Variants in ALDH9A1 observed in about 807,000 individuals in gnomAD.
ALDH9A1 encodes aldehyde dehydrogenase 9 family member A1.
Under a neutral mutation model 56.6 loss-of-function variants are expected in ALDH9A1, and 42 were observed. That is an observed-to-expected ratio of 0.74 (90% CI 0.58 to 0.96). ALDH9A1 has a LOEUF of 0.96. ALDH9A1 is among the 40% of genes least tolerant of loss of function. The pLI is 0.00. For synonymous variants in ALDH9A1, 242 were observed against 236.0 expected (o/e 1.03, Z -0.23); for missense variants, 661 against 651.5 (o/e 1.01, Z -0.16).
chr1:165,669,016 G>T lies in ALDH9A1; in HGVS notation c.1120-3C>A. 5.7e-6 allele frequency: 9 copies of T among 1,583,202 alleles called. No homozygotes were observed. The highest frequency in any genetic ancestry group is 6.8e-6 in the Non-Finnish European group (8 of 1,168,268). On this transcript the variant is annotated splice_polypyrimidine_tract_variant and splice_region_variant and intron_variant, in intron 7 of 10. Coordinates refer to ENST00000354775, the MANE Select transcript of ALDH9A1 (RefSeq NM_000696.4). ...CCACCACATAACACTTTAGCACCCT[G>T]CCGAAAAGGAAAAAAGATATGTTGT...
intron 2 of ALDH9A1, among the ~76,000 whole-genome samples, chr1:165,683,329 C>A (rs1489680503): frequency 1.3e-5 from 2 of 151,912 alleles, no homozygotes; most frequent in African/African-American, 4.8e-5. Context: ...AGATTTAAGA[C>A]CACTACTTTA....
intron 2 of ALDH9A1, among the ~76,000 whole-genome samples, chr1:165,689,658 A>G (rs1649823045): frequency 6.6e-6 from 1 of 152,150 alleles, no homozygotes; most frequent in Non-Finnish European, 1.5e-5. Flanking sequence ...ACTAGGCCGG[A>G]TGCAGTGGCT....
chr1:165,669,098 C>A, intron 7 of ALDH9A1, 85 bp from the exon 8 acceptor site: 4 of 1,374,318 alleles, frequency 2.9e-6, no homozygotes, highest in African/African-American at 1.4e-5. Flanking sequence ...CCCGAACAAA[C>A]ACATAGTCTT....
At chr1:165,673,273 T>A (rs544483833) in intron 6 of ALDH9A1, among the ~76,000 whole-genome samples, 236 of 152,306 alleles carry the variant, frequency 1.5e-3, no homozygotes, top group African/African-American at 5.5e-3. Flanking sequence ...TCTGTTAGCA[T>A]GGTTATTATC....
intron 2 of ALDH9A1, among the ~76,000 whole-genome samples, chr1:165,684,226 T>C (rs1245198868): frequency 6.6e-6 from 1 of 152,238 alleles, no homozygotes; most frequent in Non-Finnish European, 1.5e-5. Flanking sequence ...CATTCATTAC[T>C]AGGGAAAAGA....
chr1:165,669,050 T>C, intron 7 of ALDH9A1, 37 bp from the exon 8 acceptor site: 1 of 1,528,180 alleles, frequency 6.5e-7, no homozygotes, highest in African/African-American at 1.4e-5. Context: ...GTATTAAAAA[T>C]ATAACCCCAA....
intron 2 of ALDH9A1, among the ~76,000 whole-genome samples, chr1:165,684,341 G>C (rs921198844): frequency 6.6e-6 from 1 of 152,140 alleles, no homozygotes; most frequent in Admixed American, 6.5e-5. Context: ...CTTCAGAAAG[G>C]ATAATCTGTT....
chr1:165,694,725 T>C (rs1420995447), intron 2 of ALDH9A1, among the ~76,000 whole-genome samples: 1 of 152,080 alleles, frequency 6.6e-6, no homozygotes, highest in Non-Finnish European at 1.5e-5. Flanking sequence ...GTGAGGCCGA[T>C]GTGGGTGGAT....
chr1:165,673,010 C>CAT (rs1214269903), intron 6 of ALDH9A1, among the ~76,000 whole-genome samples: 1 of 149,148 alleles, frequency 6.7e-6, no homozygotes, highest in African/African-American at 2.5e-5. Flanking sequence ...CACACACACA[C>CAT]ACACGGTTAA....
chr1:165,693,206 T>G (rs1204250950), intron 2 of ALDH9A1, among the ~76,000 whole-genome samples: 1 of 152,098 alleles, frequency 6.6e-6, no homozygotes, highest in Non-Finnish European at 1.5e-5. Flanking sequence ...AAAGCCAAAA[T>G]AGACAAATGG....
chr1:165,682,181 AC>A lies in ALDH9A1; in HGVS notation c.517del (p.Val173TyrfsTer5). 1.2e-6 allele frequency: 2 copies of A among 1,613,850 alleles called. No individual in the cohort carries two copies. Among genetic ancestry groups the A allele is most frequent in the Non-Finnish European group, 1.7e-6 (2 of 1,179,882 alleles). ...FGYTRREPLG[V>X]CVGIGAWNYP... ...GTTCCATGCTCCTATTCCCACACAT[AC>A]CCCAAGTGGTTCTCTTCTGGTATAA... On this transcript the variant is annotated frameshift_variant, in exon 4 of 11. Coordinates refer to ENST00000354775, the MANE Select transcript of ALDH9A1 (RefSeq NM_000696.4). LOFTEE classifies it high-confidence loss of function.
chr1:165,682,185 C>CA lies in ALDH9A1; in HGVS notation c.513dup (p.Gly172TrpfsTer28). ...CATGCTCCTATTCCCACACATACCC[C>CA]AAGTGGTTCTCTTCTGGTATAACCA... On this transcript the variant is annotated frameshift_variant, in exon 4 of 11. Transcript: ENST00000354775. LOFTEE classifies it high-confidence loss of function. 1 of 1,613,988 alleles carries CA rather than the reference C, an allele frequency of 6.2e-7. No homozygotes were observed. The highest frequency in any genetic ancestry group is 1.1e-5 in the South Asian group (1 of 91,072).
rs776283835 is a variant in ALDH9A1 at position 165,682,149 on chromosome 1, A to C, written c.550T>G (p.Phe184Val). Reference sequence around the variant, plus strand: ...GCCGACTTCCAAGAGGCAATCTGAAAGGGGTAGTTCCATGCTCCTATTCCC... The same window carrying C: ...GCCGACTTCCAAGAGGCAATCTGAACGGGGTAGTTCCATGCTCCTATTCCC... ...CVGIGAWNYP[F>V]QIASWKSAPA... The change falls in exon 4 of 11, where the codon TTT (phenylalanine) becomes GTT (valine). Residue 184 changes from phenylalanine (F) to valine (V), a missense_variant. Transcript: ENST00000354775. 2.4e-5 allele frequency: 39 copies of C among 1,614,124 alleles called. No homozygotes were observed. Among genetic ancestry groups the C allele is most frequent in the Non-Finnish European group, 3.3e-5 (39 of 1,179,982 alleles).
In ALDH9A1 at chr1:165,667,430, T is replaced by A; in HGVS notation, c.1228A>T (p.Thr410Ser). 1 of 1,613,956 alleles carries A rather than the reference T, an allele frequency of 6.2e-7. No individual in the cohort carries two copies. The highest frequency in any genetic ancestry group is 8.5e-7 in the Non-Finnish European group (1 of 1,179,940). Residue 410 changes from threonine to serine, a missense_variant, in exon 9 of 11, where the codon ACC (threonine) becomes TCC (serine). Transcript: ENST00000354775. ...CCAAAGATCTCTTCCTTCACACAGG[T>A]CATGTCGTCTCTGCAATTAGCTGCA... ...CVLTNCRDDM[T>S]CVKEEIFGPV...
At chr1:165,691,764 C>T (rs1264930027) in intron 2 of ALDH9A1, among the ~76,000 whole-genome samples, 1 of 151,644 alleles carries the variant, frequency 6.6e-6, no homozygotes, top group Non-Finnish European at 1.5e-5. Context: ...CAAGACATAA[C>T]AAAAAAAGAG....
intron 2 of ALDH9A1, among the ~76,000 whole-genome samples, chr1:165,684,563 T>C (rs1457343153): frequency 6.6e-6 from 1 of 152,186 alleles, no homozygotes; most frequent in African/African-American, 2.4e-5. Flanking sequence ...TTGAGTATAA[T>C]TAACACAAAA....
intron 2 of ALDH9A1, among the ~76,000 whole-genome samples, chr1:165,690,931 G>A (rs1409911402): frequency 3.3e-5 from 5 of 152,308 alleles, no homozygotes; most frequent in Non-Finnish European, 2.9e-5. Context: ...CACCTCTGGC[G>A]GCAGGGCATA....
intron 1 of ALDH9A1, among the ~76,000 whole-genome samples, chr1:165,696,198 A>T (rs1221195811): frequency 6.6e-6 from 1 of 152,132 alleles, no homozygotes; most frequent in Non-Finnish European, 1.5e-5. Context: ...TAGGAGTCTG[A>T]TAAAAGTTGC....
intron 6 of ALDH9A1, chr1:165,671,562 T>C: frequency 2.2e-6 from 1 of 454,514 alleles, no homozygotes; most frequent in Non-Finnish European, 4.2e-6. Context: ...AAGGCAGCAG[T>C]TGCTGTTCAA....
Sources: allele counts gnomAD v4.1 joint callset (sites outside exome capture counted in the v4.1 genomes callset), GRCh38; gene constraint gnomAD v4.1.1; transcripts MANE v1.5; gene names NCBI Gene and HGNC (gene_info 2026-07-23, HGNC 2026-07-21).